PYROXD1: variants seen among roughly 807,000 people sequenced by gnomAD.
PYROXD1 encodes tRNA ligase complex-associated NAD(P)H dehydrogenase PYROXD1.
In PYROXD1, 42 loss-of-function variants were observed where a neutral mutation model predicts 62.0. The ratio of observed to expected loss-of-function variants is 0.68; its 90% CI spans 0.53 to 0.88. The LOEUF is 0.88. Ranked by LOEUF, PYROXD1 falls within the 40% of genes least tolerant of loss-of-function variation. The pLI, the probability that PYROXD1 is intolerant of heterozygous loss-of-function variation, is 0.00. For missense variants in PYROXD1, 493 were observed against 604.8 expected (o/e 0.82, Z 1.94); for synonymous variants, 170 against 206.4 (o/e 0.82, Z 1.51).
chr12:21,462,272 C>T (rs907023349), intron 9 of PYROXD1, 152 bp downstream of exon 9: 5 of 589,010 alleles, frequency 8.5e-6, no homozygotes, highest in South Asian at 4.5e-5. Context: ...TCTTGATTTA[C>T]AGTATTTTTT....
intron 5 of PYROXD1, among the ~76,000 whole-genome samples, chr12:21,453,659 G>C (rs1053211907): frequency 6.6e-6 from 1 of 152,092 alleles, no homozygotes; most frequent in South Asian, 2.1e-4. Flanking sequence ...TCGTCAAACT[G>C]TGCATCTTGC....
chr12:21,443,730 G>A (rs997345008), intron 2 of PYROXD1, among the ~76,000 whole-genome samples: 1 of 151,972 alleles, frequency 6.6e-6, no homozygotes, highest in East Asian at 1.9e-4. Flanking sequence ...CATTTAATAC[G>A]ATGTCTCTGG....
At chr12:21,457,475 T>C (rs1942619531) in intron 7 of PYROXD1, among the ~76,000 whole-genome samples, 1 of 151,952 alleles carries the variant, frequency 6.6e-6, no homozygotes, top group African/African-American at 2.4e-5. Context: ...AATGGTGGGC[T>C]TCAAATATTC....
chr12:21,468,529 T>C lies in PYROXD1; in HGVS notation c.1278T>C (p.Asn426=). The change falls in exon 12 of 12, where the codon AAT becomes AAC. Residue 426 remains asparagine (N), a synonymous_variant. Transcript: ENST00000240651. ...AGGTTGTACTGCTGGGAAAATACAA[T>C]GCACAGGGCTTAGGTTCAGATCATG... ...NYKVVLLGKY[N]AQGLGSDHEL... The C allele has an allele frequency of 1.2e-6, 2 of 1,612,444 alleles. No individual in the cohort carries two copies. Among genetic ancestry groups the C allele is most frequent in the Non-Finnish European group, 1.7e-6 (2 of 1,178,904 alleles).
intron 3 of PYROXD1, among the ~76,000 whole-genome samples, chr12:21,447,133 G>A (rs1317516790): frequency 6.6e-6 from 1 of 152,076 alleles, no homozygotes; most frequent in African/African-American, 2.4e-5. Context: ...TGAGCTTCAG[G>A]TAAGATGAGA....
At chr12:21,438,092 C>G (rs948494682) in intron 1 of PYROXD1, 3 of 432,376 alleles carry the variant, frequency 6.9e-6, no homozygotes, top group African/African-American at 6.2e-5. Context: ...TCAGAGCAGA[C>G]ATGAGGACTT....
rs1433549924 is a variant in PYROXD1, at chr12:21,469,095, A to C, written c.*341A>C. ...AGCCAAATGTACTCTAGTAGACTAG[A>C]ACCATTCTTTGTGAAATGTCAAAAT... is the stretch of plus-strand genomic sequence containing the variant. On this transcript the variant is annotated 3_prime_UTR_variant, in exon 12 of 12. Transcript: ENST00000240651. 5.6e-6 allele frequency: 1 copy of C among 180,100 alleles called. No homozygotes were observed. The highest frequency in any genetic ancestry group is 2.4e-5 in the African/African-American group (1 of 41,756). The allele number at this position is 180,100 out of a possible 1,614,324, so 11.2% of individuals were successfully genotyped here.
chr12:21,458,996 C>T (rs934829753), intron 7 of PYROXD1, among the ~76,000 whole-genome samples: 1 of 152,156 alleles, frequency 6.6e-6, no homozygotes, highest in African/African-American at 2.4e-5. Flanking sequence ...GTAAAAAACA[C>T]ACTATCTGCA....
At chr12:21,445,160 CCAAG>C (rs1942362937) in intron 2 of PYROXD1, among the ~76,000 whole-genome samples, 183 bp from the exon 3 acceptor site, 1 of 152,160 alleles carries the variant, frequency 6.6e-6, no homozygotes, top group Non-Finnish European at 1.5e-5. Context: ...CCAGGAGCGG[CCAAG>C]CAAATATTTA....
At chr12:21,455,330 A>G (rs754184212) in intron 6 of PYROXD1, 38 bp downstream of exon 6, 21 of 1,327,296 alleles carry the variant, frequency 1.6e-5, no homozygotes, top group Non-Finnish European at 2.1e-5. Context: ...CTCATACAAA[A>G]CTTTTTTAAA....
chr12:21,442,382 A>G (rs1436638948), intron 2 of PYROXD1, among the ~76,000 whole-genome samples: 2 of 152,202 alleles, frequency 1.3e-5, no homozygotes, highest in Admixed American at 6.5e-5. Context: ...ATGGGAACAC[A>G]TGTGTGCTCA....
In PYROXD1 at chr12:21,460,429, A is replaced by T. The variant is rs369904455; in HGVS notation, c.751-596A>T. Among the ~76,000 whole-genome samples, 316 of 55,530 alleles carry T rather than the reference A, an allele frequency of 5.7e-3. 5 individuals carry two copies. The highest frequency in any genetic ancestry group is 6.0e-3 in the Admixed American group (33 of 5,466). 36.4% of individuals were successfully genotyped at this position (55,530 alleles called of 152,430 possible). A position where few individuals can be genotyped will look rare whatever the true frequency, so the allele number is the denominator to read the frequency against. Reference sequence around the variant, plus strand: ...ATTTATTTATTTATTTATTTTATTTATTTATTTTTTTTGAGACAGAGTCTC... The same window carrying T: ...ATTTATTTATTTATTTATTTTATTTTTTTATTTTTTTTGAGACAGAGTCTC... On this transcript the variant is annotated intron_variant, in intron 7 of 11. Transcript: ENST00000240651.
At chr12:21,446,424 C>CA (rs1350082584) in intron 3 of PYROXD1, among the ~76,000 whole-genome samples, 4 of 150,002 alleles carry the variant, frequency 2.7e-5, no homozygotes, top group Admixed American at 1.3e-4. Flanking sequence ...GACTCCTTCT[C>CA]AAAAAAAAGA....
At chr12:21,460,935 T>A (rs1942685370) in intron 7 of PYROXD1, 90 bp from the exon 8 acceptor site, 1 of 811,028 alleles carries the variant, frequency 1.2e-6, no homozygotes, top group Non-Finnish European at 1.8e-6. Context: ...TTCTATACAT[T>A]TCTACAAGTA....
chr12:21,445,315 A>G (rs764351178), intron 2 of PYROXD1, 32 bp from the exon 3 acceptor site: 1 of 1,504,806 alleles, frequency 6.6e-7, no homozygotes, highest in East Asian at 2.4e-5. Context: ...TACTTTAAAA[A>G]TATACATTTT....
At position 21,437,793 on chromosome 12, in the gene PYROXD1, G is replaced by T. The variant is rs757345717; in HGVS notation, c.63G>T (p.Ala21=). The T allele has an allele frequency of 6.8e-6, 11 of 1,612,622 alleles. No homozygotes were observed. The South Asian group carries it at 9.9e-5, about 15-fold the overall frequency. ...TCGTGGTGGTCGGCGGCGGCATCGC[G>T]GGCGTCACTTGTGCGGAGCAGGTAG... ...GKFVVVGGGI[A]GVTCAEQLAT... is the part of the protein sequence containing the mutation. The change falls in exon 1 of 12, where the codon GCG becomes GCT. Residue 21 remains alanine (A), a synonymous_variant. Coordinates refer to ENST00000240651, the MANE Select transcript of PYROXD1 (RefSeq NM_024854.5).
chr12:21,444,599 ATCTAT>A (rs1942352972), intron 2 of PYROXD1, among the ~76,000 whole-genome samples: 1 of 152,208 alleles, frequency 6.6e-6, no homozygotes, highest in Admixed American at 6.5e-5. Context: ...AAGGTTTCAG[ATCTAT>A]TCTATGATCC....
At chr12:21,457,811 A>AGTCACCTCCCACCAGGCCGTACC (rs1942626215) in intron 7 of PYROXD1, among the ~76,000 whole-genome samples, 1 of 149,084 alleles carries the variant, frequency 6.7e-6, no homozygotes. Context: ...TGTCCCCATG[A>AGTCACCTCCCACCAGGCCGTACC]TCCAGTCACC....
chr12:21,456,761 T>C (rs1006243221), intron 7 of PYROXD1: 10 of 379,346 alleles, frequency 2.6e-5, no homozygotes, highest in African/African-American at 6.4e-5. Flanking sequence ...AGCTGTTTTA[T>C]AGCATTTTGC....
Sources: allele counts gnomAD v4.1 joint callset (sites outside exome capture counted in the v4.1 genomes callset), GRCh38; gene constraint gnomAD v4.1.1; transcripts MANE v1.5; gene names NCBI Gene and HGNC (gene_info 2026-07-23, HGNC 2026-07-21).